ARAP2: variants seen among roughly 807,000 people sequenced by gnomAD.
ARAP2 encodes arf-GAP with Rho-GAP domain, ANK repeat and PH domain-containing protein 2.
Under a neutral mutation model 194.5 loss-of-function variants are expected in ARAP2, and 148 were observed. That is an observed-to-expected ratio of 0.76 (90% CI 0.67 to 0.87). The LOEUF is 0.87. Ranked by LOEUF, ARAP2 falls within the 40% of genes least tolerant of loss-of-function variation. The pLI is 0.00. For missense variants in ARAP2, 2,128 were observed against 1,989.7 expected (o/e 1.07, Z -1.32); for synonymous variants, 695 against 683.5 (o/e 1.02, Z -0.26).
At chr4:36,128,824 G>T in intron 20 of ARAP2, 79 bp from the exon 21 acceptor site, 1 of 1,155,426 alleles carries the variant, frequency 8.7e-7, no homozygotes, top group African/African-American at 1.6e-5. Flanking sequence ...CAAAACAAAT[G>T]TTTGTGTTGA....
chr4:36,227,279 C>T (rs183325160), intron 2 of ARAP2, among the ~76,000 whole-genome samples: 112 of 152,162 alleles, frequency 7.4e-4, no homozygotes, highest in African/African-American at 2.5e-3. Context: ...ATAACTCCTG[C>T]AAAATTATAA....
intron 7 of ARAP2, among the ~76,000 whole-genome samples, chr4:36,188,289 C>T (rs1277449179): frequency 4.6e-5 from 7 of 152,018 alleles, no homozygotes; most frequent in East Asian, 3.9e-4. Context: ...TTCTGGGCCC[C>T]GTGTTGGAAA....
chr4:36,073,620 C>T (rs1241169541), intron 32 of ARAP2, 69 bp downstream of exon 32: 3 of 1,519,616 alleles, frequency 2.0e-6, no homozygotes, highest in South Asian at 1.3e-5. Context: ...AATTAATGAC[C>T]TAATCACATT....
intron 15 of ARAP2, chr4:36,157,471 A>G (rs542158189): frequency 1.2e-4 from 18 of 152,276 alleles, no homozygotes; most frequent in African/African-American, 4.1e-4. Context: ...AGAACCAAAA[A>G]CATCTAATTC....
intron 1 of ARAP2, among the ~76,000 whole-genome samples, chr4:36,231,640 G>C (rs1156555440): frequency 6.6e-6 from 1 of 152,028 alleles, no homozygotes; most frequent in Non-Finnish European, 1.5e-5. Context: ...TCATAGTCTT[G>C]CTTACCCCTG....
chr4:36,008,152 C>A (rs1713699582), intron 9 of ARAP2, among the ~76,000 whole-genome samples: 1 of 152,068 alleles, frequency 6.6e-6, no homozygotes. Flanking sequence ...CTATTTCTAT[C>A]AAATTACTAA....
At chr4:36,237,869 A>G (rs1295369171) in intron 1 of ARAP2, among the ~76,000 whole-genome samples, 9 of 152,244 alleles carry the variant, frequency 5.9e-5, no homozygotes, top group Admixed American at 2.6e-4. Flanking sequence ...CCAAGTATAG[A>G]TAAAGACATG....
At chr4:36,203,165 G>A (rs1560657860) in intron 6 of ARAP2, among the ~76,000 whole-genome samples, 1 of 152,158 alleles carries the variant, frequency 6.6e-6, no homozygotes, top group Non-Finnish European at 1.5e-5. Context: ...TCAATGGAGA[G>A]AATAAAACAG....
chr4:36,115,570 A>C (rs949871028), intron 25 of ARAP2, among the ~76,000 whole-genome samples: 2 of 151,988 alleles, frequency 1.3e-5, no homozygotes, highest in Non-Finnish European at 2.9e-5. Flanking sequence ...CTAACACTCC[A>C]CACTTGGGAA....
chr4:36,042,265 C>T (rs985944098), intron 5 of ARAP2, among the ~76,000 whole-genome samples: 1 of 152,150 alleles, frequency 6.6e-6, no homozygotes, highest in Non-Finnish European at 1.5e-5. Flanking sequence ...TCCTATTTCA[C>T]ATGCACATTA....
intron 8 of ARAP2, among the ~76,000 whole-genome samples, chr4:36,185,305 T>G (rs1740272762): frequency 6.6e-6 from 1 of 152,250 alleles, no homozygotes; most frequent in African/African-American, 2.4e-5. Context: ...ACTATGTACA[T>G]AGATAGGTTT....
intron 6 of ARAP2, among the ~76,000 whole-genome samples, chr4:36,198,318 C>A (rs1246283755): frequency 6.6e-6 from 1 of 152,206 alleles, no homozygotes; most frequent in African/African-American, 2.4e-5. Context: ...GAAGTGTGCA[C>A]CAACTGGTCC....
At chr4:36,065,475 G>T, downstream of ARAP2, 1 of 345,288 alleles carries the variant, frequency 2.9e-6, no homozygotes, top group South Asian at 2.2e-5. Flanking sequence ...TTGATGGGCT[G>T]GCTGCAGTCC....
intron 1 of ARAP2, among the ~76,000 whole-genome samples, chr4:36,231,814 C>T (rs532156916): frequency 6.6e-6 from 1 of 152,224 alleles, no homozygotes; most frequent in South Asian, 2.1e-4. Flanking sequence ...AGGTGACCTA[C>T]CGATTTTACT....
At chr4:36,108,985 G>A (rs1032921601) in intron 26 of ARAP2, among the ~76,000 whole-genome samples, 3 of 151,830 alleles carry the variant, frequency 2.0e-5, no homozygotes, top group African/African-American at 4.8e-5. Context: ...AAAGTAATGA[G>A]GCTAAAGACA....
intron 8 of ARAP2, among the ~76,000 whole-genome samples, chr4:36,014,287 A>AAGAAAGAAAGAG (rs1715229307): frequency 6.8e-6 from 1 of 146,386 alleles, no homozygotes; most frequent in East Asian, 2.0e-4. Context: ...GAAAGAAAGA[A>AAGAAAGAAAGAG]AGAAAGAAAG....
At position 36,124,833 on chromosome 4, in the gene ARAP2, T is replaced by C. The variant is rs768924522; in HGVS notation, c.3746+29A>G. 4.8e-5 allele frequency: 66 copies of C among 1,381,758 alleles called. No homozygotes were observed. The South Asian group carries it at 7.8e-4, about 16-fold the overall frequency. 85.6% of individuals were successfully genotyped at this position (1,381,758 alleles called of 1,614,324 possible). A position where few individuals can be genotyped will look rare whatever the true frequency, so the allele number is the denominator to read the frequency against. The stretch of plus-strand genomic sequence containing the variant: ...GACTTATTGAGTGCTGTGTTTGAAA[T>C]GTCGAGAAAAGTTCATTCATCTACC... On this transcript the variant is annotated intron_variant, in intron 22 of 32. Transcript: ENST00000303965.
At chr4:36,079,991 C>A (rs1338249573) in intron 31 of ARAP2, among the ~76,000 whole-genome samples, 1 of 152,074 alleles carries the variant, frequency 6.6e-6, no homozygotes, top group East Asian at 1.9e-4. Flanking sequence ...GTGGGGCTGG[C>A]AGAAAAGACG....
intron 27 of ARAP2, among the ~76,000 whole-genome samples, chr4:36,103,424 G>T (rs932992928): frequency 2.0e-5 from 3 of 151,250 alleles, no homozygotes; most frequent in African/African-American, 7.3e-5. Flanking sequence ...TTTATGGTTT[G>T]CTTGTGATAG....
Sources: allele counts gnomAD v4.1 joint callset (sites outside exome capture counted in the v4.1 genomes callset), GRCh38; gene constraint gnomAD v4.1.1; transcripts MANE v1.5; gene names NCBI Gene and HGNC (gene_info 2026-07-23, HGNC 2026-07-21).